Variants in NKAIN2 observed in about 807,000 individuals in gnomAD.
NKAIN2 encodes sodium/potassium transporting ATPase interacting 2, also known as sodium/potassium-transporting ATPase subunit beta-1-interacting protein 2.
Under a neutral mutation model 32.6 loss-of-function variants are expected in NKAIN2, and 14 were observed. The ratio of observed to expected loss-of-function variants is 0.43; its 90% CI spans 0.28 to 0.67. The LOEUF (loss-of-function observed/expected upper bound fraction) is 0.67, where lower values mean the gene tolerates loss of function less well. Ranked by LOEUF, NKAIN2 falls within the 30% of genes least tolerant of loss-of-function variation. The pLI is 0.17. For synonymous variants in NKAIN2, 80 were observed against 87.2 expected, an observed-to-expected ratio of 0.92 and a Z score of 0.46; for missense variants, 198 against 258.3, an observed-to-expected ratio of 0.77 and a Z score of 1.60.
At chr6:123,869,769 ATTT>A (rs1403163204) in intron 1 of NKAIN2, among the ~76,000 whole-genome samples, 2 of 152,206 alleles carry the variant, frequency 1.3e-5, no homozygotes, top group African/African-American at 4.8e-5. Flanking sequence ...ACAACAAGGC[ATTT>A]ACTTATGGTT....
chr6:124,764,328 A>G (rs1026743760), intron 4 of NKAIN2, among the ~76,000 whole-genome samples: 1 of 152,186 alleles, frequency 6.6e-6, no homozygotes, highest in Non-Finnish European at 1.5e-5. Flanking sequence ...TATGGGGGTT[A>G]TCAAACCTGA....
chr6:124,637,971 C>A (rs573776175), intron 3 of NKAIN2, among the ~76,000 whole-genome samples: 6 of 152,210 alleles, frequency 3.9e-5, no homozygotes, highest in African/African-American at 1.4e-4. Flanking sequence ...GGAAAACAAA[C>A]AAACTGAAGG....
chr6:124,200,952 G>A (rs969213745), intron 1 of NKAIN2, among the ~76,000 whole-genome samples: 5 of 151,982 alleles, frequency 3.3e-5, no homozygotes, highest in African/African-American at 7.2e-5. Context: ...ATTTCTACAG[G>A]GTGCAAATTA....
intron 5 of NKAIN2, among the ~76,000 whole-genome samples, chr6:124,810,437 A>G (rs1445403164): frequency 1.3e-5 from 2 of 152,080 alleles, no homozygotes; most frequent in Admixed American, 6.5e-5. Context: ...GAACAATGAG[A>G]ACACATGGAC....
At chr6:124,406,309 T>A (rs1773859000) in intron 3 of NKAIN2, among the ~76,000 whole-genome samples, 1 of 152,192 alleles carries the variant, frequency 6.6e-6, no homozygotes, top group Non-Finnish European at 1.5e-5. Flanking sequence ...TTTGCATTAT[T>A]TTATGATATT....
At chr6:124,123,924 A>G (rs1786019072) in intron 1 of NKAIN2, among the ~76,000 whole-genome samples, 2 of 152,158 alleles carry the variant, frequency 1.3e-5, no homozygotes, top group Non-Finnish European at 2.9e-5. Context: ...GACTTTGGTT[A>G]ATTGGATTGT....
At chr6:124,103,421 A>G (rs140940920) in intron 1 of NKAIN2, among the ~76,000 whole-genome samples, 4 of 152,306 alleles carry the variant, frequency 2.6e-5, no homozygotes, top group Non-Finnish European at 5.9e-5. Context: ...TTGAAAAACT[A>G]CATCTGCATC....
chr6:124,073,650 C>G (rs191702663), intron 1 of NKAIN2, among the ~76,000 whole-genome samples: 68 of 152,260 alleles, frequency 4.5e-4, no homozygotes, highest in Non-Finnish European at 4.0e-4. Context: ...ACCTACAACA[C>G]TTTCTACCCT....
At chr6:123,879,801 C>A (rs1052066156) in intron 1 of NKAIN2, among the ~76,000 whole-genome samples, 10 of 152,210 alleles carry the variant, frequency 6.6e-5, no homozygotes, top group Non-Finnish European at 1.0e-4. Context: ...CAGCCTGATG[C>A]CTATTTGTCC....
chr6:124,194,315 C>T (rs987127057), intron 1 of NKAIN2, among the ~76,000 whole-genome samples: 1 of 151,978 alleles, frequency 6.6e-6, no homozygotes, highest in Admixed American at 6.6e-5. Context: ...TGTAGCCATA[C>T]CATTTTTTTG....
intron 1 of NKAIN2, among the ~76,000 whole-genome samples, chr6:124,084,999 C>G (rs1784127527): frequency 6.6e-6 from 1 of 151,966 alleles, no homozygotes; most frequent in Non-Finnish European, 1.5e-5. Context: ...GAGATTCATA[C>G]CAGGATCTTA....
At chr6:123,883,718 G>A (rs1773574395) in intron 1 of NKAIN2, among the ~76,000 whole-genome samples, 1 of 147,236 alleles carries the variant, frequency 6.8e-6, no homozygotes, top group Non-Finnish European at 1.5e-5. Flanking sequence ...TAAAAAAGAG[G>A]TACATTTTAA....
chr6:123,883,155 A>T (rs1480836802), intron 1 of NKAIN2, among the ~76,000 whole-genome samples: 2 of 151,766 alleles, frequency 1.3e-5, no homozygotes, highest in African/African-American at 4.8e-5. Flanking sequence ...AATTATTATT[A>T]TTTTTTTGAG....
At chr6:124,422,677 C>A (rs1774809715) in intron 3 of NKAIN2, among the ~76,000 whole-genome samples, 1 of 152,182 alleles carries the variant, frequency 6.6e-6, no homozygotes, top group Admixed American at 6.5e-5. Context: ...TTACAAAAAA[C>A]AGCAATAAAA....
intron 1 of NKAIN2, among the ~76,000 whole-genome samples, chr6:124,253,738 A>G (rs1335443985): frequency 6.6e-6 from 1 of 151,534 alleles, no homozygotes; most frequent in Non-Finnish European, 1.5e-5. Context: ...TTTTCCCACT[A>G]TATCTTGATA....
rs78088490 is a variant in NKAIN2, at chr6:124,299,078, C to T, written c.192+15936C>T. Among the ~76,000 whole-genome samples the T allele has an allele frequency of 6.2e-3, 943 of 152,316 alleles. 9 individuals are homozygous for T. Among genetic ancestry groups the T allele is most frequent in the African/African-American group, 0.022 (904 of 41,578 alleles). On this transcript the variant is annotated intron_variant, in intron 2 of 6. Transcript: ENST00000368417. ...CTGCCCTGGCAGGCAGAAAGAGACACTGATGCTCTGTTACATCTGGAAAAT... is the reference window on the plus strand; with the variant it reads ...CTGCCCTGGCAGGCAGAAAGAGACATTGATGCTCTGTTACATCTGGAAAAT...
chr6:123,940,022 T>C (rs917597244), intron 1 of NKAIN2, among the ~76,000 whole-genome samples: 1 of 151,930 alleles, frequency 6.6e-6, no homozygotes, highest in African/African-American at 2.4e-5. Flanking sequence ...CCTCTATTTG[T>C]CAGTCATTTA....
chr6:123,821,654 T>C (rs1376090420), intron 1 of NKAIN2, among the ~76,000 whole-genome samples: 1 of 152,136 alleles, frequency 6.6e-6, no homozygotes, highest in African/African-American at 2.4e-5. Flanking sequence ...GAGGGAGGCC[T>C]ATAGTTTGAA....
chr6:124,519,907 C>T (rs1274007481), intron 3 of NKAIN2, among the ~76,000 whole-genome samples: 3 of 152,138 alleles, frequency 2.0e-5, no homozygotes, highest in Non-Finnish European at 4.4e-5. Flanking sequence ...ATTATGTGCC[C>T]AGTACCGTAA....
Sources: gnomAD v4.1 joint callset for allele counts (sites outside exome capture counted in the v4.1 genomes callset) on GRCh38, gnomAD v4.1.1 for gene constraint, MANE v1.5 for transcripts, NCBI Gene and HGNC (gene_info 2026-07-23, HGNC 2026-07-21) for gene names.